The following RIT2 variants were observed in gnomAD, a reference collection of about 807,000 sequenced individuals.
The protein encoded by RIT2 is GTP-binding protein Rit2.
A neutral mutation model predicts 23.7 loss-of-function variants in RIT2; 24 were observed. That is an observed-to-expected ratio of 1.01 (90% CI 0.73 to 1.43). The LOEUF is 1.43. Among genes scored for constraint, RIT2 ranks in the 40% most tolerant of loss-of-function variants. The pLI, the probability that RIT2 is intolerant of heterozygous loss-of-function variation, is 0.00. For missense variants in RIT2, 236 were observed against 266.9 expected (o/e 0.88, Z 0.81); for synonymous variants, 107 against 91.1 (o/e 1.17, Z -0.99).
chr18:42,916,007 CT>C (rs1359210315), intron 4 of RIT2, among the ~76,000 whole-genome samples: 1 of 151,726 alleles, frequency 6.6e-6, no homozygotes, highest in African/African-American at 2.4e-5. Flanking sequence ...AGGTTCTATG[CT>C]CTTATAGTGT....
intron 2 of RIT2, among the ~76,000 whole-genome samples, chr18:43,031,664 G>A (rs531368873): frequency 3.9e-5 from 6 of 152,070 alleles, no homozygotes; most frequent in African/African-American, 1.4e-4. Context: ...CAGAACTGAG[G>A]TATATTTGAA....
intron 3 of RIT2, among the ~76,000 whole-genome samples, chr18:42,934,419 T>C (rs1468495140): frequency 6.6e-6 from 1 of 152,176 alleles, no homozygotes. Flanking sequence ...GATTTCATTA[T>C]TAGGTTAGAG....
At chr18:42,945,775 G>A (rs367553179) in intron 3 of RIT2, among the ~76,000 whole-genome samples, 34 of 151,924 alleles carry the variant, frequency 2.2e-4, no homozygotes, top group Non-Finnish European at 3.2e-4. Flanking sequence ...TTTTATTTAC[G>A]AGATGTGCAA....
intron 4 of RIT2, among the ~76,000 whole-genome samples, chr18:42,880,420 AT>A (rs1420205176): frequency 1.3e-5 from 2 of 152,160 alleles, no homozygotes; most frequent in Non-Finnish European, 2.9e-5. Flanking sequence ...AGAGTTGAAA[AT>A]ATGTATGTAT....
intron 4 of RIT2, among the ~76,000 whole-genome samples, chr18:42,803,465 T>C (rs1373436849): frequency 6.6e-6 from 1 of 152,210 alleles, no homozygotes; most frequent in Non-Finnish European, 1.5e-5. Context: ...ATATTGTTTG[T>C]TGCTGGATAC....
intron 3 of RIT2, among the ~76,000 whole-genome samples, chr18:42,949,474 A>G (rs551505187): frequency 6.6e-6 from 1 of 152,238 alleles, no homozygotes; most frequent in Non-Finnish European, 1.5e-5. Context: ...GATCAATAAC[A>G]GGGGTGATGC....
At chr18:43,013,850 C>T (rs561266569) in intron 2 of RIT2, among the ~76,000 whole-genome samples, 18 of 151,724 alleles carry the variant, frequency 1.2e-4, no homozygotes, top group Non-Finnish European at 2.1e-4. Context: ...GGGCATACTT[C>T]TCACAAACTA....
chr18:42,802,129 T>C lies in RIT2; in HGVS notation c.427-58409A>G, dbSNP rs368894428. Among the ~76,000 whole-genome samples the C allele has an allele frequency of 5.3e-5, 8 of 152,288 alleles. No homozygotes were observed. In the East Asian group the frequency reaches 1.4e-3, roughly 26 times the overall value. On this transcript the variant is annotated intron_variant, in intron 4 of 4. Transcript: ENST00000326695. Reference sequence around the variant, plus strand: ...ATAGGATATCATAGTCAGAATTAGATAGAGTTGAAAATAGGGTCAAAATTA... The same window carrying C: ...ATAGGATATCATAGTCAGAATTAGACAGAGTTGAAAATAGGGTCAAAATTA...
chr18:42,798,534 CAAAT>C (rs1180982690), intron 4 of RIT2, among the ~76,000 whole-genome samples: 9 of 152,158 alleles, frequency 5.9e-5, no homozygotes, highest in African/African-American at 2.2e-4. Flanking sequence ...ATTACAAAAA[CAAAT>C]AGAATGTAGC....
At chr18:42,877,672 T>C (rs1455515889) in intron 4 of RIT2, among the ~76,000 whole-genome samples, 1 of 151,704 alleles carries the variant, frequency 6.6e-6, no homozygotes, top group Non-Finnish European at 1.5e-5. Flanking sequence ...AAATCTGAAA[T>C]CTGAAATACC....
intron 2 of RIT2, among the ~76,000 whole-genome samples, chr18:42,982,526 A>G (rs1910620558): frequency 6.6e-6 from 1 of 152,142 alleles, no homozygotes; most frequent in Non-Finnish European, 1.5e-5. Flanking sequence ...TGACACCCAT[A>G]CACATTTCCT....
chr18:42,890,300 G>A (rs1360378094), intron 4 of RIT2, among the ~76,000 whole-genome samples: 1 of 151,938 alleles, frequency 6.6e-6, no homozygotes, highest in Non-Finnish European at 1.5e-5. Flanking sequence ...AACAGAAATT[G>A]TCATGAAAGT....
intron 4 of RIT2, among the ~76,000 whole-genome samples, chr18:42,866,051 A>G (rs1014153931): frequency 2.6e-5 from 4 of 152,126 alleles, no homozygotes; most frequent in African/African-American, 7.2e-5. Flanking sequence ...TCACTTATCT[A>G]TTTCTTTTGT....
chr18:43,052,916 T>C (rs1912417390), intron 1 of RIT2, among the ~76,000 whole-genome samples: 1 of 152,080 alleles, frequency 6.6e-6, no homozygotes, highest in Non-Finnish European at 1.5e-5. Flanking sequence ...GCACATTGCA[T>C]ATTTTTTTCA....
chr18:43,019,273 T>C (rs1201213353), intron 2 of RIT2, among the ~76,000 whole-genome samples: 2 of 151,528 alleles, frequency 1.3e-5, no homozygotes, highest in East Asian at 1.9e-4. Context: ...AAAACATAGA[T>C]ACAAAAATTC....
intron 3 of RIT2, among the ~76,000 whole-genome samples, chr18:42,938,655 A>G (rs1377305805): frequency 6.6e-6 from 1 of 152,200 alleles, no homozygotes; most frequent in East Asian, 1.9e-4. Context: ...AAAATATTCT[A>G]TTTACATTTA....
At chr18:42,864,899 G>A (rs1050101027) in intron 4 of RIT2, among the ~76,000 whole-genome samples, 1 of 152,076 alleles carries the variant, frequency 6.6e-6, no homozygotes, top group Admixed American at 6.6e-5. Context: ...GCCTATGTAT[G>A]GAAATGTATG....
chr18:42,860,194 G>A (rs912664377), intron 4 of RIT2, among the ~76,000 whole-genome samples: 44 of 152,180 alleles, frequency 2.9e-4, no homozygotes, highest in African/African-American at 1.0e-3. Context: ...ATGCAGTGCT[G>A]TAGAGATTAA....
chr18:42,929,978 T>G (rs192069939), intron 3 of RIT2, among the ~76,000 whole-genome samples: 1 of 152,060 alleles, frequency 6.6e-6, no homozygotes, highest in Admixed American at 6.6e-5. Context: ...TTGAGAGGTG[T>G]GGAGTTGTGG....
Sources: allele counts gnomAD v4.1 joint callset (sites outside exome capture counted in the v4.1 genomes callset), GRCh38; gene constraint gnomAD v4.1.1; transcripts MANE v1.5; gene names NCBI Gene and HGNC (gene_info 2026-07-23, HGNC 2026-07-21).